DMBT1: variants seen among roughly 807,000 people sequenced by gnomAD.
DMBT1 encodes deleted in malignant brain tumors 1.
Under a neutral mutation model 252.9 loss-of-function variants are expected in DMBT1, and 198 were observed. The ratio of observed to expected loss-of-function variants is 0.78; its 90% CI spans 0.70 to 0.88. DMBT1 has a LOEUF of 0.88. Ranked by LOEUF, DMBT1 falls within the 40% of genes least tolerant of loss-of-function variation. DMBT1 has a pLI of 0.00. For synonymous variants in DMBT1, 990 were observed against 942.7 expected (o/e 1.05, Z -0.92); for missense variants, 2,432 against 2,404.7 (o/e 1.01, Z -0.24).
At chr10:122,573,842 C>A in intron 6 of DMBT1, 80 bp downstream of exon 6, 1 of 1,549,614 alleles carries the variant, frequency 6.5e-7, no homozygotes, top group Non-Finnish European at 8.9e-7. Flanking sequence ...AGATGAGGTG[C>A]AGAGGGCATA....
chr10:122,620,175 G>T lies in DMBT1; in HGVS notation c.5246-78G>T. ...AAATTGAATAGTTTTCATGATGCTT[G>T]CCTGGTTCAGAGATTTTTTTTTGTA... On this transcript the variant is annotated intron_variant, in intron 42 of 55. Transcript: ENST00000338354. The T allele has an allele frequency of 4.1e-6, 6 of 1,456,568 alleles. 1 individual carries two copies. The highest frequency in any genetic ancestry group is 2.9e-6 in the Non-Finnish European group (3 of 1,038,246). 90.2% of individuals were successfully genotyped at this position (1,456,568 alleles called of 1,614,324 possible). A position where few individuals can be genotyped will look rare whatever the true frequency, so the allele number is the denominator to read the frequency against.
rs1200834658 is a variant in DMBT1 at position 122,630,360 on chromosome 10, G to A, written c.5895G>A (p.Leu1965=). 3 of 1,613,900 alleles carry A rather than the reference G, an allele frequency of 1.9e-6. No homozygotes were observed. Among genetic ancestry groups the A allele is most frequent in the Middle Eastern group, 1.6e-4 (1 of 6,084 alleles). The change falls in exon 48 of 56, where the codon CTG becomes CTA. Residue 1965 remains leucine, a synonymous_variant. Transcript: ENST00000338354. ...ATGGATCATTGAATAGCAGTCTCCT[G>A]CTGGGGAAAATCTGTAATGATACCA... ...IFDGSLNSSL[L]LGKICNDTRQ... is the part of the protein sequence containing the mutation.
At chr10:122,632,025 C>T in intron 50 of DMBT1, 150 bp downstream of exon 50, 3 of 905,226 alleles carry the variant, frequency 3.3e-6, no homozygotes, top group Non-Finnish European at 5.3e-6. Flanking sequence ...CTGCCGGCCA[C>T]CAGGATAGTG....
intron 2 of DMBT1, among the ~76,000 whole-genome samples, chr10:122,567,274 C>T (rs552647012): frequency 8.1e-4 from 124 of 152,286 alleles, no homozygotes; most frequent in Admixed American, 8.1e-3. Flanking sequence ...GGCGCATTGC[C>T]CTGCTGCACC....
chr10:122,578,994 G>T (rs1276768301), intron 9 of DMBT1, among the ~76,000 whole-genome samples: 1 of 152,244 alleles, frequency 6.6e-6, no homozygotes, highest in Admixed American at 6.5e-5. Flanking sequence ...TGAGGCTCAA[G>T]GTGGGCCCCT....
intron 6 of DMBT1, among the ~76,000 whole-genome samples, chr10:122,574,792 G>A (rs1288664118): frequency 6.6e-6 from 1 of 152,236 alleles, no homozygotes; most frequent in East Asian, 1.9e-4. Context: ...AGGGATGGGA[G>A]TGAGGGGGCA....
rs2097821769 is a variant in DMBT1 at position 122,589,000 on chromosome 10, C to T, written c.1840C>T (p.Arg614Ter). 15 of 1,588,332 alleles carry T rather than the reference C, an allele frequency of 9.4e-6. 1 individual carries two copies. The highest frequency in any genetic ancestry group is 1.3e-5 in the African/African-American group (1 of 74,518). The change falls in exon 17 of 56, where the codon CGA (arginine) becomes TGA (stop). Residue 614 changes from arginine (R) to a stop codon, truncating the protein, a stop_gained. Coordinates refer to ENST00000338354, the MANE Select transcript of DMBT1 (RefSeq NM_001377530.1). LOFTEE classifies it high-confidence loss of function. ...LVNGGDRCQG[R>*]VEVLYRGSWG... Reference sequence around the variant, plus strand: ...GAATGGAGGTGACAGGTGTCAGGGCCGAGTGGAGGTCCTATACCGAGGCTC... The same window carrying T: ...GAATGGAGGTGACAGGTGTCAGGGCTGAGTGGAGGTCCTATACCGAGGCTC...
chr10:122,636,461 G>C (rs1033411608), intron 53 of DMBT1, among the ~76,000 whole-genome samples: 1 of 152,216 alleles, frequency 6.6e-6, no homozygotes, highest in Non-Finnish European at 1.5e-5. Flanking sequence ...CCCAGATGAT[G>C]CTCTTCGTGG....
intron 40 of DMBT1, 124 bp downstream of exon 40, chr10:122,617,384 G>T (rs967265702): frequency 2.6e-5 from 32 of 1,226,214 alleles, no homozygotes; most frequent in Non-Finnish European, 3.6e-5. Context: ...TTGGGTGGGA[G>T]GAAGGTGGAG....
chr10:122,573,853 G>A, intron 6 of DMBT1, 91 bp downstream of exon 6: 2 of 1,516,186 alleles, frequency 1.3e-6, no homozygotes, highest in South Asian at 2.3e-5. Flanking sequence ...AGAGGGCATA[G>A]AAAGTAGGGT....
chr10:122,643,102 G>C lies in DMBT1; in HGVS notation c.7353-20G>C. Reference sequence around the variant, plus strand: ...GAATCGGGCCTTGGTGAGAGCTAAGGGGCTACTGTTCTCTTCCAGATGCGT... The same window carrying C: ...GAATCGGGCCTTGGTGAGAGCTAAGCGGCTACTGTTCTCTTCCAGATGCGT... On this transcript the variant is annotated intron_variant, in intron 55 of 55. Transcript: ENST00000338354. 1 of 1,610,528 alleles carries C rather than the reference G, an allele frequency of 6.2e-7. No homozygotes were observed. The highest frequency in any genetic ancestry group is 8.5e-7 in the Non-Finnish European group (1 of 1,177,256).
rs1451131253 is a variant in DMBT1, at chr10:122,586,032, G to A, written c.1460-28G>A. On this transcript the variant is annotated intron_variant, in intron 15 of 55. Transcript: ENST00000338354. ...GATTCTTGACCTCATGATAGGGATGGATGAAGGGTTCTTGTTTTCCCCTGT... is the reference window on the plus strand; with the variant it reads ...GATTCTTGACCTCATGATAGGGATGAATGAAGGGTTCTTGTTTTCCCCTGT... 5.0e-6 allele frequency: 8 copies of A among 1,587,780 alleles called. No individual in the cohort carries two copies. The Admixed American group carries it at 1.3e-4, about 27-fold the overall frequency.
rs2098147892 is a variant in DMBT1, at chr10:122,630,011, A to G, written c.5822+18A>G. ...AATCTGAAGTAAGTAATGCCTGGTC[A>G]TCTGGTGAGGGGTGAGTTCCTCTGC... On this transcript the variant is annotated intron_variant, in intron 47 of 55. Coordinates refer to ENST00000338354, the MANE Select transcript of DMBT1 (RefSeq NM_001377530.1). The G allele has an allele frequency of 6.2e-7, 1 of 1,613,624 alleles. No homozygotes were observed. Among genetic ancestry groups the G allele is most frequent in the African/African-American group, 1.3e-5 (1 of 74,924 alleles).
At chr10:122,620,639 C>T (rs993175321) in intron 43 of DMBT1, among the ~76,000 whole-genome samples, 6 of 152,244 alleles carry the variant, frequency 3.9e-5, no homozygotes, top group African/African-American at 1.4e-4. Flanking sequence ...TGCCTGTCCC[C>T]ATAGCTGTCT....
At position 122,632,856 on chromosome 10, in the gene DMBT1, A is replaced by G; in HGVS notation, c.6368-5A>G. On this transcript the variant is annotated splice_polypyrimidine_tract_variant and splice_region_variant and intron_variant, in intron 50 of 55. Coordinates refer to ENST00000338354, the MANE Select transcript of DMBT1 (RefSeq NM_001377530.1). ...CTGATCCTGATCTTTTCTTTTTGTC[A>G]ACAGCTCCTTTTCTCAACATCACCC... 3.1e-6 allele frequency: 5 copies of G among 1,613,680 alleles called. No homozygotes were observed. The highest frequency in any genetic ancestry group is 4.2e-6 in the Non-Finnish European group (5 of 1,179,828).
chr10:122,642,970 G>A (rs1363398594), intron 55 of DMBT1, among the ~76,000 whole-genome samples, 152 bp from the exon 56 acceptor site: 7 of 152,098 alleles, frequency 4.6e-5, no homozygotes, highest in Non-Finnish European at 2.9e-5. Context: ...CTCAGTGAGT[G>A]TCTGATCCAC....
chr10:122,600,212 C>G, intron 27 of DMBT1, 119 bp downstream of exon 27: 4 of 1,377,632 alleles, frequency 2.9e-6, no homozygotes, highest in Non-Finnish European at 3.9e-6. Flanking sequence ...ATTATTTCTA[C>G]CCCCAACACC....
chr10:122,627,375 A>G (rs1409731724), intron 46 of DMBT1, among the ~76,000 whole-genome samples: 1 of 152,180 alleles, frequency 6.6e-6, no homozygotes, highest in Non-Finnish European at 1.5e-5. Flanking sequence ...CACACACAGT[A>G]TGGCATGCTT....
intron 1 of DMBT1, among the ~76,000 whole-genome samples, chr10:122,561,671 T>C (rs758195945): frequency 6.7e-6 from 1 of 149,990 alleles, no homozygotes; most frequent in Non-Finnish European, 1.5e-5. Flanking sequence ...TGTGTTTCTC[T>C]CTCTCTCTGT....
Sources: allele counts gnomAD v4.1 joint callset (sites outside exome capture counted in the v4.1 genomes callset), GRCh38; gene constraint gnomAD v4.1.1; transcripts MANE v1.5; gene names NCBI Gene and HGNC (gene_info 2026-07-23, HGNC 2026-07-21).